Variants in KCNJ12 observed in about 807,000 individuals in gnomAD.
KCNJ12 encodes potassium inwardly rectifying channel subfamily J member 12, also known as ATP-sensitive inward rectifier potassium channel 12.
In KCNJ12, 2 loss-of-function variants were observed where a neutral mutation model predicts 22.3. That is an observed-to-expected ratio of 0.09 (90% confidence interval 0.04 to 0.28). The LOEUF (loss-of-function observed/expected upper bound fraction) is 0.28. KCNJ12 is among the 10% of genes least tolerant of loss of function. The probability of loss-of-function intolerance (pLI) is 1.00; values close to 1 mark genes in which losing one functional copy is unlikely to be tolerated. For synonymous variants in KCNJ12, 117 were observed against 261.4 expected (o/e 0.45, Z 5.33); for missense variants, 155 against 633.3 (o/e 0.24, Z 8.11).
intron 1 of KCNJ12, among the ~76,000 whole-genome samples, chr17:21,389,294 A>G (rs1555559053): frequency 1.3e-5 from 2 of 152,170 alleles, no homozygotes; most frequent in Non-Finnish European, 2.9e-5. Flanking sequence ...CCCTAGACCA[A>G]GCTAAGAGGA....
At chr17:21,394,971 T>C (rs1905304240) in intron 1 of KCNJ12, among the ~76,000 whole-genome samples, 1 of 152,192 alleles carries the variant, frequency 6.6e-6, no homozygotes, top group African/African-American at 2.4e-5. Flanking sequence ...ATCCATGGGC[T>C]GCTTCCTTCT....
chr17:21,378,005 G>A (rs904298102), intron 1 of KCNJ12, among the ~76,000 whole-genome samples: 1 of 152,220 alleles, frequency 6.6e-6, no homozygotes, highest in African/African-American at 2.4e-5. Context: ...TCCCACATCT[G>A]CGCCCCAAAC....
In KCNJ12 at chr17:21,376,546, G is replaced by C. The variant is rs1295399377; in HGVS notation, c.-546G>C. On this transcript the variant is annotated 5_prime_UTR_variant, in exon 1 of 3. Coordinates refer to ENST00000583088, the MANE Select transcript of KCNJ12 (RefSeq NM_021012.5). The surrounding 1 kb of genome is among the most constrained non-coding windows in gnomAD (Gnocchi z 5.3). ...TGGCGCGGTCAGAGCCTGCGAGGAG[G>C]TGCGGGGCGCCGGGGCGTAGGGGAG... The C allele has an allele frequency of 6.6e-6, 1 of 152,036 alleles. No homozygotes were observed. The highest frequency in any genetic ancestry group is 1.5e-5 in the Non-Finnish European group (1 of 67,980). 9.4% of individuals were successfully genotyped at this position (152,036 alleles called of 1,614,324 possible). A position where few individuals can be genotyped will look rare whatever the true frequency, so the allele number is the denominator to read the frequency against.
Position 21,415,725 on chromosome 17 carries a change from A to G in KCNJ12, c.383A>G (p.His128Arg). Residue 128 changes from histidine (H) to arginine (R), a missense_variant, in exon 3 of 3, where the codon CAC becomes CGC. Coordinates refer to ENST00000583088, the MANE Select transcript of KCNJ12 (RefSeq NM_021012.5). ...CGCACACCCTGTGTGATGCAGGTGC[A>G]CGGCTTCATGGCGGCCTTCCTCTTC... is the stretch of plus-strand genomic sequence containing the variant. Reference protein sequence around the residue: ...RGRTPCVMQVHGFMAAFLFSI... With the variant: ...RGRTPCVMQVRGFMAAFLFSI... 8 of 1,613,158 alleles carry G rather than the reference A, an allele frequency of 5.0e-6. No homozygotes were observed. The highest frequency in any genetic ancestry group is 6.8e-6 in the Non-Finnish European group (8 of 1,179,938).
At position 21,418,019 on chromosome 17, in the gene KCNJ12, A is replaced by T. The variant is rs1200312566; in HGVS notation, c.*1375A>T. ...AATCAGAAACCAGCCGTGGAACAGA[A>T]TTCCTGCCGAGTCTTCCAGGGCCGC... On this transcript the variant is annotated 3_prime_UTR_variant, in exon 3 of 3. Coordinates refer to ENST00000583088, the MANE Select transcript of KCNJ12 (RefSeq NM_021012.5). The T allele has an allele frequency of 1.2e-5, 2 of 167,026 alleles. No individual in the cohort carries two copies. 10.3% of individuals were successfully genotyped at this position (167,026 alleles called of 1,614,324 possible). A position where few individuals can be genotyped will look rare whatever the true frequency, so the allele number is the denominator to read the frequency against.
At chr17:21,396,221 C>G (rs1905357321) in intron 1 of KCNJ12, among the ~76,000 whole-genome samples, 2 of 152,120 alleles carry the variant, frequency 1.3e-5, no homozygotes, top group African/African-American at 4.8e-5. Flanking sequence ...CTACATGCAC[C>G]TGGACTCCTT....
chr17:21,392,291 G>C (rs180854945), intron 1 of KCNJ12, among the ~76,000 whole-genome samples: 2 of 152,230 alleles, frequency 1.3e-5, no homozygotes, highest in South Asian at 4.1e-4. Flanking sequence ...CATAGTAGGC[G>C]CTCAGTGTGT....
At chr17:21,381,018 CT>C (rs1218328895) in intron 1 of KCNJ12, among the ~76,000 whole-genome samples, 2 of 152,232 alleles carry the variant, frequency 1.3e-5, no homozygotes, top group Non-Finnish European at 2.9e-5. Flanking sequence ...TCTAATTAGC[CT>C]TCAGCCATGC....
At position 21,376,864 on chromosome 17, in the gene KCNJ12, C is replaced by T. The variant is rs1904673135; in HGVS notation, c.-228C>T. The T allele has an allele frequency of 6.6e-6, 1 of 151,514 alleles. No homozygotes were observed. The highest frequency in any genetic ancestry group is 1.5e-5 in the Non-Finnish European group (1 of 67,846). The allele number at this position is 151,514 out of a possible 1,614,324, so 9.4% of individuals were successfully genotyped here. ...CAGCTGCCGGGGCCAGGAACGGCCGCCCGGAGCTTGGAGGACGCCGAGCGC... is the reference window on the plus strand; with the variant it reads ...CAGCTGCCGGGGCCAGGAACGGCCGTCCGGAGCTTGGAGGACGCCGAGCGC... On this transcript the variant is annotated 5_prime_UTR_variant, in exon 1 of 3. Coordinates refer to ENST00000583088, the MANE Select transcript of KCNJ12 (RefSeq NM_021012.5). The surrounding 1 kb of genome is among the most constrained non-coding windows in gnomAD (Gnocchi z 5.3).
intron 1 of KCNJ12, among the ~76,000 whole-genome samples, chr17:21,387,356 G>A (rs1391237216): frequency 1.3e-5 from 2 of 150,238 alleles, no homozygotes; most frequent in Non-Finnish European, 3.0e-5. Context: ...GCAGGAGAAT[G>A]GCGTGAACCT....
chr17:21,409,505 A>G (rs1714899), intron 2 of KCNJ12, among the ~76,000 whole-genome samples: 3 of 152,310 alleles, frequency 2.0e-5, no homozygotes, highest in Admixed American at 6.5e-5. Flanking sequence ...AGGGCATGTC[A>G]TTGATACAGT....
intron 1 of KCNJ12, among the ~76,000 whole-genome samples, chr17:21,398,855 T>A (rs1555560180): frequency 6.6e-6 from 1 of 152,236 alleles, no homozygotes; most frequent in African/African-American, 2.4e-5. Context: ...GTGGTGTGCA[T>A]AGCACATAGC....
intron 1 of KCNJ12, chr17:21,405,338 T>A (rs1905868809): frequency 1.3e-5 from 2 of 152,068 alleles, no homozygotes; most frequent in Admixed American, 1.3e-4. Flanking sequence ...GTGTGTGGGG[T>A]CTCCTCATTT....
At chr17:21,406,670 C>T (rs1366843286) in intron 1 of KCNJ12, among the ~76,000 whole-genome samples, 2 of 152,308 alleles carry the variant, frequency 1.3e-5, no homozygotes, top group Admixed American at 6.5e-5. Context: ...AGGGGCAGAG[C>T]TGGGATTTGA....
intron 1 of KCNJ12, among the ~76,000 whole-genome samples, chr17:21,379,837 G>A (rs1295963025): frequency 6.6e-6 from 1 of 152,110 alleles, no homozygotes; most frequent in Non-Finnish European, 1.5e-5. Context: ...CTGAGGTGCT[G>A]GGCTCGGGGC....
chr17:21,381,455 C>G (rs1490821377), intron 1 of KCNJ12, among the ~76,000 whole-genome samples: 1 of 152,034 alleles, frequency 6.6e-6, no homozygotes, highest in African/African-American at 2.4e-5. Context: ...AGTCTGGCCT[C>G]ACTTCCAGGA....
intron 1 of KCNJ12, among the ~76,000 whole-genome samples, chr17:21,403,448 G>T (rs1414568771): frequency 6.6e-6 from 1 of 152,412 alleles, no homozygotes; most frequent in Non-Finnish European, 1.5e-5. Context: ...GTCCCAGGAT[G>T]CTTCTTGTGT....
At chr17:21,382,396 G>T (rs782573288) in intron 1 of KCNJ12, among the ~76,000 whole-genome samples, 1 of 152,208 alleles carries the variant, frequency 6.6e-6, no homozygotes, top group Admixed American at 6.5e-5. Flanking sequence ...GGGCTGGCAG[G>T]GAGGGGACAG....
intron 2 of KCNJ12, among the ~76,000 whole-genome samples, chr17:21,410,936 A>G (rs1906298991): frequency 6.6e-6 from 1 of 151,126 alleles, no homozygotes; most frequent in Non-Finnish European, 1.5e-5. Context: ...AGCACTTGAT[A>G]GATACTGAGT....
Sources: allele counts gnomAD v4.1 joint callset (sites outside exome capture counted in the v4.1 genomes callset), GRCh38; gene constraint gnomAD v4.1.1; non-coding constraint Gnocchi (gnomAD v3.1); transcripts MANE v1.5; gene names NCBI Gene and HGNC (gene_info 2026-07-23, HGNC 2026-07-21).